The following IMPDH2 variants were observed in gnomAD, a reference collection of about 807,000 sequenced individuals.
The protein encoded by IMPDH2 is inosine monophosphate dehydrogenase 2.
A neutral mutation model predicts 57.8 loss-of-function variants in IMPDH2; 33 were observed. The ratio of observed to expected loss-of-function variants is 0.57; its 90% confidence interval spans 0.43 to 0.76. The LOEUF is 0.76. Ranked by LOEUF, IMPDH2 falls within the 30% of genes least tolerant of loss-of-function variation. The pLI, the probability that IMPDH2 is intolerant of heterozygous loss-of-function variation, is 0.00. For missense variants in IMPDH2, 446 were observed against 659.1 expected (o/e 0.68, Z 3.54); for synonymous variants, 270 against 241.3 (o/e 1.12, Z -1.10).
intron 11 of IMPDH2, 45 bp downstream of exon 11, chr3:49,024,851 T>A: frequency 6.2e-7 from 1 of 1,614,158 alleles, no homozygotes; most frequent in Non-Finnish European, 8.5e-7. Flanking sequence ...GAGATGAGAC[T>A]GTCAGTGCAG....
Position 49,025,131 on chromosome 3 carries a change from GA to G in IMPDH2, c.1144del (p.Ser382ProfsTer4). 1.2e-6 allele frequency: 2 copies of G among 1,614,214 alleles called. No homozygotes were observed. The highest frequency in any genetic ancestry group is 1.7e-6 in the Non-Finnish European group (2 of 1,180,032). Reference sequence around the variant, plus strand: ...TCACGGGTACTGGGCCTCACCTGTGGAGGCCCCAAGGGCCAAGGCTTTCGCA... The same window carrying G: ...TCACGGGTACTGGGCCTCACCTGTGGGGCCCCAAGGGCCAAGGCTTTCGCA... Reference protein sequence around the residue: ...HIAKALALGASTVMMGSLLAA... With the variant: ...HIAKALALGAXTVMMGSLLAA... On this transcript the variant is annotated frameshift_variant, in exon 10 of 14. Transcript: ENST00000326739. LOFTEE classifies it high-confidence loss of function.
chr3:49,028,894 G>A (rs908861767), intron 1 of IMPDH2, 88 bp from the exon 2 acceptor site: 3 of 1,033,080 alleles, frequency 2.9e-6, no homozygotes, highest in Non-Finnish European at 4.5e-6. Context: ...AACCCGTAAC[G>A]CATGTGAGCA....
At chr3:49,027,518 T>C (rs1040088020) in intron 5 of IMPDH2, among the ~76,000 whole-genome samples, 192 bp downstream of exon 5, 2 of 152,150 alleles carry the variant, frequency 1.3e-5, no homozygotes, top group African/African-American at 4.8e-5. Context: ...GCATGAATAC[T>C]AGCAAGCATT....
At chr3:49,027,948 T>C (rs1347327766) in intron 4 of IMPDH2, 32 bp from the exon 5 acceptor site, 4 of 1,497,582 alleles carry the variant, frequency 2.7e-6, no homozygotes, top group Non-Finnish European at 3.7e-6. Context: ...GGGCATCGCA[T>C]CTTTGAACTA....
Position 49,026,744 on chromosome 3 carries a change from C to G in IMPDH2, c.762G>C (p.Glu254Asp). ...LLCGAAIGTHEDDKYRLDLLA... is the reference protein window; with the variant it reads ...LLCGAAIGTHDDDKYRLDLLA... ...GCAAGTCCAGCCTATACTTGTCATCCTCATGAGTGCCAATGGCTGCCCCAC... is the reference window on the plus strand; with the variant it reads ...GCAAGTCCAGCCTATACTTGTCATCGTCATGAGTGCCAATGGCTGCCCCAC... The change falls in exon 7 of 14, where the codon GAG becomes GAC. Residue 254 changes from glutamate to aspartate, a missense_variant. By Grantham distance (45) the Glu-to-Asp change is conservative (BLOSUM62 2). Transcript: ENST00000326739. 6.2e-7 allele frequency: 1 copy of G among 1,614,236 alleles called. No individual in the cohort carries two copies. Among genetic ancestry groups the G allele is most frequent in the Non-Finnish European group, 8.5e-7 (1 of 1,180,044 alleles).
chr3:49,026,227 T>A (rs751758595), intron 9 of IMPDH2, 97 bp downstream of exon 9: 130 of 939,316 alleles, frequency 1.4e-4, no homozygotes, highest in Non-Finnish European at 2.1e-4. Context: ...GTTGCCCCTA[T>A]TGGAGGGCTC....
chr3:49,029,028 T>C lies in IMPDH2; in HGVS notation c.99-222A>G, dbSNP rs545296265. The C allele has an allele frequency of 3.2e-4, 206 of 645,116 alleles. 1 individual carries two copies. The highest frequency in any genetic ancestry group is 2.7e-3 in the South Asian group (152 of 56,884). The allele number at this position is 645,116 out of a possible 1,614,324, so 40.0% of individuals were successfully genotyped here. On this transcript the variant is annotated intron_variant, in intron 1 of 13. Coordinates refer to ENST00000326739, the MANE Select transcript of IMPDH2 (RefSeq NM_000884.3). ...TGGCACCCTGACAATTCCATGTGTC[T>C]GGAGCATGGAATCTCCGGCCTGAGA...
In IMPDH2 at chr3:49,027,757, C is replaced by A; in HGVS notation, c.484G>T (p.Asp162Tyr). The A allele has an allele frequency of 6.2e-7, 1 of 1,614,218 alleles. No homozygotes were observed. The highest frequency in any genetic ancestry group is 8.5e-7 in the Non-Finnish European group (1 of 1,180,052). ...SRLVGIISSR[D>Y]IDFLKEEEHD... ...TCCTCCTCTTTGAGAAAATCAATGT[C>A]CCTGGAGGAGATGATGCCCACCAAG... Residue 162 changes from aspartate (D) to tyrosine (Y), a missense_variant, in exon 5 of 14, where the codon GAC (aspartate) becomes TAC (tyrosine). By Grantham distance (160) the Asp-to-Tyr change is radical. Transcript: ENST00000326739.
rs1254819648 is a variant in IMPDH2, at chr3:49,024,785, T to C, written c.1313A>G (p.Lys438Arg). The change falls in exon 12 of 14, where the codon AAA becomes AGA. Residue 438 changes from lysine to arginine, a missense_variant. Transcript: ENST00000326739. ...NRYFSEADKI[K>R]VAQGVSGAVQ... ...AGCACCAGACACTCCCTGGGCCACT[T>C]TGATTTTGTCAGCTTCACTGCAGGG... 2 of 1,614,118 alleles carry C rather than the reference T, an allele frequency of 1.2e-6. No homozygotes were observed. Among genetic ancestry groups the C allele is most frequent in the Non-Finnish European group, 8.5e-7 (1 of 1,179,996 alleles).
At chr3:49,026,644 G>C (rs753547292) in intron 7 of IMPDH2, 35 bp from the exon 8 acceptor site, 17 of 1,610,678 alleles carry the variant, frequency 1.1e-5, no homozygotes, top group Non-Finnish European at 6.8e-6. Flanking sequence ...CTGTGATGTG[G>C]CAGCTGCCCC....
intron 1 of IMPDH2, 63 bp downstream of exon 1, chr3:49,029,190 A>G: frequency 7.4e-7 from 1 of 1,355,176 alleles, no homozygotes; most frequent in Non-Finnish European, 1.0e-6. Context: ...GGAAGCCCCC[A>G]TCTGGCCTTT....
In IMPDH2 at chr3:49,028,542, C is replaced by T; in HGVS notation, c.148-10G>A. ...GAGCAGAAGTCAGGTCCTGAGGAGA[C>T]AAACGTCAACCAGTGTGGGAAAGCA... On this transcript the variant is annotated splice_polypyrimidine_tract_variant and intron_variant, in intron 2 of 13. Transcript: ENST00000326739. 2 of 1,602,330 alleles carry T rather than the reference C, an allele frequency of 1.2e-6. No individual in the cohort carries two copies. The highest frequency in any genetic ancestry group is 8.6e-7 in the Non-Finnish European group (1 of 1,169,460).
At chr3:49,026,155 T>A in intron 9 of IMPDH2, 169 bp downstream of exon 9, 2 of 694,360 alleles carry the variant, frequency 2.9e-6, no homozygotes, top group East Asian at 2.7e-5. Flanking sequence ...AGGTGATGGA[T>A]GACAAGACCT....
intron 1 of IMPDH2, 40 bp from the exon 2 acceptor site, chr3:49,028,846 C>T (rs779858723): frequency 1.9e-6 from 3 of 1,538,842 alleles, no homozygotes; most frequent in East Asian, 2.2e-5. Context: ...AAGCTCTCAG[C>T]TTAGGGCAGC....
At chr3:49,025,420 C>G (rs2093193943) in intron 9 of IMPDH2, 151 bp from the exon 10 acceptor site, 1 of 773,558 alleles carries the variant, frequency 1.3e-6, no homozygotes, top group Non-Finnish European at 2.2e-6. Context: ...ATGGCTGCTG[C>G]CACATCTGCC....
At chr3:49,028,730 T>A (rs756131508) in intron 2 of IMPDH2, 28 bp downstream of exon 2, 1 of 1,598,708 alleles carries the variant, frequency 6.3e-7, no homozygotes, top group Admixed American at 1.7e-5. Context: ...ACCTTGATGT[T>A]CAGGACCCAA....
At position 49,026,426 on chromosome 3, in the gene IMPDH2, T is replaced by TGAAGG. The variant is rs767338998; in HGVS notation, c.911-12_911-8dup. On this transcript the variant is annotated splice_polypyrimidine_tract_variant and splice_region_variant and intron_variant, in intron 8 of 13. Transcript: ENST00000326739. Reference sequence around the variant, plus strand: ...GCCTGGGCAGCAGTGACCACTATGGTGAAGGAAAGGAAAATGCTCATGTGA... The same window carrying TGAAGG: ...GCCTGGGCAGCAGTGACCACTATGGTGAAGGGAAGGAAAGGAAAATGCTCATGTGA... The TGAAGG allele has an allele frequency of 6.2e-7, 1 of 1,612,956 alleles. No individual in the cohort carries two copies. The highest frequency in any genetic ancestry group is 2.2e-5 in the East Asian group (1 of 44,870).
rs377473953 is a variant in IMPDH2 at position 49,029,361 on chromosome 3, G to T, written c.-11C>A. ...CAGGTAGTCGGCCATGGCCAACACAGGACACCGCCGCGTGTCTCCGAGGAC... is the reference window on the plus strand; with the variant it reads ...CAGGTAGTCGGCCATGGCCAACACATGACACCGCCGCGTGTCTCCGAGGAC... On this transcript the variant is annotated 5_prime_UTR_variant, in exon 1 of 14. It adds an upstream start codon to the 5' untranslated region. Coordinates refer to ENST00000326739, the MANE Select transcript of IMPDH2 (RefSeq NM_000884.3). The T allele has an allele frequency of 6.5e-5, 101 of 1,564,078 alleles. No homozygotes were observed. Among genetic ancestry groups the T allele is most frequent in the Non-Finnish European group, 8.8e-5 (101 of 1,148,570 alleles).
chr3:49,028,577 C>T (rs760223236), intron 2 of IMPDH2, 45 bp from the exon 3 acceptor site: 11 of 1,505,202 alleles, frequency 7.3e-6, no homozygotes, highest in Admixed American at 3.3e-5. Context: ...ATCCCTTACA[C>T]CTCAAGGTGT....
Sources: allele counts gnomAD v4.1 joint callset (sites outside exome capture counted in the v4.1 genomes callset), GRCh38; gene constraint gnomAD v4.1.1; transcripts MANE v1.5; gene names NCBI Gene and HGNC (gene_info 2026-07-23, HGNC 2026-07-21).